Variants in B3GALT1 observed in about 807,000 individuals in gnomAD.
The protein encoded by B3GALT1 is beta-1,3-galactosyltransferase 1, also known as UDP-Gal:betaGlcNAc beta 1,3-galactosyltransferase, polypeptide 1.
A neutral mutation model predicts 23.2 loss-of-function variants in B3GALT1; 10 were observed. The ratio of observed to expected loss-of-function variants is 0.43; its 90% CI spans 0.27 to 0.73. The LOEUF (loss-of-function observed/expected upper bound fraction) is 0.73, where lower values mean the gene tolerates loss of function less well. B3GALT1 is among the 30% of genes least tolerant of loss of function. The probability of loss-of-function intolerance (pLI) is 0.21; values close to 1 mark genes in which losing one functional copy is unlikely to be tolerated. For missense variants in B3GALT1, 299 were observed against 405.4 expected (o/e 0.74, Z 2.25); for synonymous variants, 156 against 141.5 (o/e 1.10, Z -0.73).
chr2:167,663,162 A>C (rs1008007352), intron 3 of B3GALT1, among the ~76,000 whole-genome samples: 74 of 126,872 alleles, frequency 5.8e-4, no homozygotes, highest in Non-Finnish European at 1.0e-3. Context: ...TCCTGTGTCC[A>C]TGTGTTCTCA....
intron 1 of B3GALT1, among the ~76,000 whole-genome samples, chr2:167,326,287 G>GT (rs1553512115): frequency 9.6e-6 from 1 of 103,938 alleles, no homozygotes; most frequent in East Asian, 3.0e-4. Flanking sequence ...TGGATTGTTT[G>GT]TTTTTTCACT....
intron 2 of B3GALT1, among the ~76,000 whole-genome samples, chr2:167,542,241 G>C (rs1220933149): frequency 6.6e-6 from 1 of 151,818 alleles, no homozygotes; most frequent in East Asian, 1.9e-4. Flanking sequence ...TGTTCTCTTT[G>C]TGTTTTCTAA....
chr2:167,604,561 G>T (rs974459422), intron 2 of B3GALT1, among the ~76,000 whole-genome samples: 1 of 152,150 alleles, frequency 6.6e-6, no homozygotes, highest in Non-Finnish European at 1.5e-5. Context: ...ACCACACTGG[G>T]TGTAGCAACA....
chr2:167,693,757 T>C (rs1686750361), intron 3 of B3GALT1, among the ~76,000 whole-genome samples: 1 of 152,142 alleles, frequency 6.6e-6, no homozygotes, highest in Non-Finnish European at 1.5e-5. Flanking sequence ...AAATGGTCTC[T>C]TCCCTGTTCT....
chr2:167,340,109 A>C (rs1574039511), intron 1 of B3GALT1, among the ~76,000 whole-genome samples: 1 of 152,300 alleles, frequency 6.6e-6, no homozygotes, highest in East Asian at 1.9e-4. Flanking sequence ...CTGTTCAATA[A>C]ATAAATACCT....
intron 2 of B3GALT1, among the ~76,000 whole-genome samples, chr2:167,564,431 C>A (rs1018103570): frequency 6.6e-6 from 1 of 150,748 alleles, no homozygotes; most frequent in Non-Finnish European, 1.5e-5. Flanking sequence ...GGCGGCCAGG[C>A]GGAGACGCTC....
chr2:167,456,945 G>A (rs576140721), intron 1 of B3GALT1, among the ~76,000 whole-genome samples: 3 of 151,974 alleles, frequency 2.0e-5, no homozygotes, highest in Non-Finnish European at 4.4e-5. Context: ...CCCCTCCTTC[G>A]CTCCTTGGAG....
chr2:167,371,756 A>G (rs1178923208), intron 1 of B3GALT1, among the ~76,000 whole-genome samples: 2 of 151,900 alleles, frequency 1.3e-5, no homozygotes, highest in African/African-American at 4.8e-5. Flanking sequence ...AAATTAATTG[A>G]TCTATATATG....
At chr2:167,585,080 G>C (rs1684564411) in intron 2 of B3GALT1, among the ~76,000 whole-genome samples, 1 of 152,068 alleles carries the variant, frequency 6.6e-6, no homozygotes, top group Admixed American at 6.6e-5. Context: ...AAGCTACCCA[G>C]GGGCCTCCAG....
intron 2 of B3GALT1, among the ~76,000 whole-genome samples, chr2:167,549,352 A>C (rs1432541384): frequency 2.6e-5 from 4 of 152,068 alleles, no homozygotes; most frequent in Non-Finnish European, 5.9e-5. Flanking sequence ...GCAGAACCAA[A>C]CCCTGGCCTG....
intron 3 of B3GALT1, among the ~76,000 whole-genome samples, chr2:167,773,732 TG>T (rs1478246102): frequency 6.6e-6 from 1 of 152,226 alleles, no homozygotes. Context: ...CCAAAGGCAG[TG>T]GGAGCCACAT....
chr2:167,616,981 T>C (rs1685172319), intron 2 of B3GALT1, among the ~76,000 whole-genome samples: 2 of 152,102 alleles, frequency 1.3e-5, no homozygotes, highest in African/African-American at 2.4e-5. Flanking sequence ...AGAAATATAA[T>C]AACCAAACAA....
At chr2:167,856,917 G>A (rs1268155657) in intron 4 of B3GALT1, among the ~76,000 whole-genome samples, 1 of 152,180 alleles carries the variant, frequency 6.6e-6, no homozygotes, top group Admixed American at 6.5e-5. Flanking sequence ...TGGAAATGGA[G>A]AGACTAAAAA....
At chr2:167,584,887 C>G (rs1442241214) in intron 2 of B3GALT1, among the ~76,000 whole-genome samples, 2 of 152,158 alleles carry the variant, frequency 1.3e-5, no homozygotes, top group African/African-American at 4.8e-5. Flanking sequence ...CTCCAGGAAC[C>G]CTGTCCTTTT....
intron 1 of B3GALT1, among the ~76,000 whole-genome samples, chr2:167,401,599 A>G (rs1574064729): frequency 1.3e-5 from 2 of 152,230 alleles, no homozygotes; most frequent in East Asian, 3.9e-4. Flanking sequence ...CCCCAACTAC[A>G]GGAGATCCAT....
intron 1 of B3GALT1, among the ~76,000 whole-genome samples, chr2:167,407,987 C>T (rs1698328450): frequency 6.7e-6 from 1 of 148,494 alleles, no homozygotes; most frequent in Admixed American, 6.7e-5. Context: ...ATGAGGCCAG[C>T]ATTACCCTGA....
intron 1 of B3GALT1, among the ~76,000 whole-genome samples, chr2:167,370,824 G>A (rs1012897577): frequency 1.1e-4 from 16 of 152,064 alleles, no homozygotes; most frequent in South Asian, 4.2e-4. Flanking sequence ...TACTCAGGAG[G>A]CTGAGGCAGG....
At chr2:167,554,205 G>T (rs1440898655) in intron 2 of B3GALT1, among the ~76,000 whole-genome samples, 1 of 152,084 alleles carries the variant, frequency 6.6e-6, no homozygotes, top group African/African-American at 2.4e-5. Context: ...CTTAACTTAT[G>T]GTGTTTAAGA....
intron 4 of B3GALT1, among the ~76,000 whole-genome samples, chr2:167,830,527 G>C (rs1689327018): frequency 6.6e-6 from 1 of 151,992 alleles, no homozygotes; most frequent in Non-Finnish European, 1.5e-5. Context: ...TATCAATATG[G>C]GCCCATGTGC....
Sources: gnomAD v4.1 joint callset for allele counts (sites outside exome capture counted in the v4.1 genomes callset) on GRCh38, gnomAD v4.1.1 for gene constraint, MANE v1.5 for transcripts, NCBI Gene and HGNC (gene_info 2026-07-23, HGNC 2026-07-21) for gene names.